GATAD2A: variants seen among roughly 807,000 people sequenced by gnomAD.
GATAD2A encodes transcriptional repressor p66-alpha.
GATAD2A carries 12 observed loss-of-function variants against 68.5 expected under a neutral mutation model. The observed-to-expected ratio is 0.18, with a 90% confidence interval of 0.11 to 0.28. The LOEUF (loss-of-function observed/expected upper bound fraction) is 0.28. GATAD2A is among the 10% of genes least tolerant of loss of function. The pLI is 1.00. For missense variants in GATAD2A, 755 were observed against 868.5 expected (o/e 0.87, Z 1.64); for synonymous variants, 410 against 375.3 (o/e 1.09, Z -1.07).
intron 2 of GATAD2A, among the ~76,000 whole-genome samples, chr19:19,474,579 C>T (rs2148151097): frequency 6.6e-6 from 1 of 152,324 alleles, no homozygotes; most frequent in Non-Finnish European, 1.5e-5. Flanking sequence ...GCACAGGGCA[C>T]TTCTCACTTG....
At chr19:19,479,572 G>A (rs1472146986) in intron 2 of GATAD2A, among the ~76,000 whole-genome samples, 1 of 152,230 alleles carries the variant, frequency 6.6e-6, no homozygotes, top group Admixed American at 6.5e-5. Context: ...CAAGTGTTCT[G>A]TAGAATGTCA....
chr19:19,504,583 T>G (rs1473615623), intron 11 of GATAD2A, among the ~76,000 whole-genome samples: 4 of 151,624 alleles, frequency 2.6e-5, no homozygotes, highest in Non-Finnish European at 5.9e-5. Flanking sequence ...AGGCCTGGAG[T>G]TTGAGACCAG....
intron 8 of GATAD2A, among the ~76,000 whole-genome samples, chr19:19,498,952 G>A (rs144157939): frequency 2.8e-3 from 434 of 152,364 alleles, no homozygotes; most frequent in Non-Finnish European, 4.4e-3. Context: ...AGGGGGACGG[G>A]CAGTAGTGGC....
rs1191523935 is a variant in GATAD2A, at chr19:19,498,520, G to A, written c.1002G>A (p.Val334=). 6.2e-6 allele frequency: 10 copies of A among 1,613,774 alleles called. No homozygotes were observed. The highest frequency in any genetic ancestry group is 1.7e-5 in the Admixed American group (1 of 60,006). The part of the protein sequence containing the change: ...ANSTPTSVAS[V]VTSAESPASR... ...CCACCCCCACTAGTGTGGCCTCTGT[G>A]GTCACCTCTGCCGAGTCTCCAGCAA... Residue 334 remains valine (V), a synonymous_variant, in exon 8 of 12, where the codon GTG becomes GTA. Transcript: ENST00000683918.
rs1355265876 is a variant in GATAD2A, at chr19:19,507,166, C to T, written c.*1692C>T. 7.9e-6 allele frequency: 1 copy of T among 126,568 alleles called. No homozygotes were observed. The highest frequency in any genetic ancestry group is 9.2e-5 in the Admixed American group (1 of 10,862). 7.8% of individuals were successfully genotyped at this position (126,568 alleles called of 1,614,324 possible). The stretch of plus-strand genomic sequence containing the variant: ...GTGAGGACAGATTGGGGAAGGGTGG[C>T]TTTCATTCCAAGATCCAGGGATTTG... On this transcript the variant is annotated 3_prime_UTR_variant, in exon 12 of 12. Transcript: ENST00000683918.
chr19:19,455,632 C>T (rs929602220), intron 1 of GATAD2A, among the ~76,000 whole-genome samples: 1 of 152,030 alleles, frequency 6.6e-6, no homozygotes, highest in African/African-American at 2.4e-5. Flanking sequence ...CTAGAGGTGA[C>T]TCACTAAAGC....
chr19:19,411,283 C>G (rs943734069), intron 1 of GATAD2A, among the ~76,000 whole-genome samples: 2 of 152,222 alleles, frequency 1.3e-5, no homozygotes, highest in Non-Finnish European at 2.9e-5. Context: ...TTGGGGCCTT[C>G]TTGACGATAC....
At chr19:19,494,091 C>G (rs2059986254) in intron 4 of GATAD2A, among the ~76,000 whole-genome samples, 1 of 152,150 alleles carries the variant, frequency 6.6e-6, no homozygotes, top group Admixed American at 6.5e-5. Flanking sequence ...GCTGGAAAAT[C>G]TCTTCTAGGC....
intron 1 of GATAD2A, among the ~76,000 whole-genome samples, chr19:19,444,872 T>TACA (rs1555704205): frequency 8.1e-6 from 1 of 123,192 alleles, no homozygotes; most frequent in Non-Finnish European, 1.6e-5. Flanking sequence ...CCTCGTCCCT[T>TACA]AAAAAAAAAA....
chr19:19,444,870 C>CT lies in GATAD2A; in HGVS notation c.-6-20468dup, dbSNP rs1368967595. ...TGGACAACAGAGTGAGACCTCGTCCCTTAAAAAAAAAAAAAAAAAAGCCAC... is the reference window on the plus strand; with the variant it reads ...TGGACAACAGAGTGAGACCTCGTCCCTTTAAAAAAAAAAAAAAAAAAGCCAC... On this transcript the variant is annotated intron_variant, in intron 1 of 11. Coordinates refer to ENST00000683918, the MANE Select transcript of GATAD2A (RefSeq NM_001384528.1). 8.8e-4 allele frequency among the ~76,000 whole-genome samples: 29 copies of CT among 32,832 alleles called. 1 individual carries two copies. In the East Asian group the frequency reaches 0.032, roughly 36 times the overall value. The allele number at this position is 32,832 out of a possible 152,430, so 21.5% of individuals were successfully genotyped here. A position where few individuals can be genotyped will look rare whatever the true frequency, so the allele number is the denominator to read the frequency against.
intron 1 of GATAD2A, among the ~76,000 whole-genome samples, chr19:19,411,931 A>G (rs1363622266): frequency 6.6e-6 from 1 of 152,114 alleles, no homozygotes; most frequent in Admixed American, 6.5e-5. Context: ...CAAGCTAACA[A>G]TTTGGAGGCC....
chr19:19,472,652 T>G (rs936834505), intron 2 of GATAD2A: 4 of 151,936 alleles, frequency 2.6e-5, no homozygotes, highest in Non-Finnish European at 5.9e-5. Flanking sequence ...TTTTTTTTTT[T>G]GGATGGAAGA....
chr19:19,418,775 T>G (rs1481138332), intron 1 of GATAD2A, among the ~76,000 whole-genome samples: 2 of 152,070 alleles, frequency 1.3e-5, no homozygotes, highest in African/African-American at 4.8e-5. Flanking sequence ...TTGGCAGAGT[T>G]TGGGGGAGAA....
intron 1 of GATAD2A, among the ~76,000 whole-genome samples, chr19:19,439,737 C>T (rs997398215): frequency 2.4e-4 from 37 of 152,096 alleles, no homozygotes; most frequent in African/African-American, 8.9e-4. Flanking sequence ...ATCACAGTTA[C>T]CCGGGGAGGC....
chr19:19,392,974 C>T (rs1028545683), intron 1 of GATAD2A, among the ~76,000 whole-genome samples: 1 of 152,124 alleles, frequency 6.6e-6, no homozygotes, highest in East Asian at 1.9e-4. Flanking sequence ...GGATTACAGG[C>T]GTGAGCCACC....
chr19:19,472,641 GT>G (rs568442303), intron 2 of GATAD2A: 27 of 145,590 alleles, frequency 1.9e-4, no homozygotes, highest in East Asian at 2.0e-4. Context: ...GCCTTGATTT[GT>G]TTTTTTTTTT....
At chr19:19,497,237 A>G (rs1479843776) in intron 7 of GATAD2A, among the ~76,000 whole-genome samples, 1 of 152,236 alleles carries the variant, frequency 6.6e-6, no homozygotes, top group Non-Finnish European at 1.5e-5. Context: ...CTGGGACTAC[A>G]GGCGCCTGCC....
intron 2 of GATAD2A, 60 bp from the exon 3 acceptor site, chr19:19,492,246 G>T: frequency 6.5e-7 from 1 of 1,532,452 alleles, no homozygotes; most frequent in South Asian, 1.2e-5. Flanking sequence ...GTGTCCACAG[G>T]GGTGGGCACT....
At chr19:19,448,586 T>C (rs550418016) in intron 1 of GATAD2A, among the ~76,000 whole-genome samples, 6 of 152,260 alleles carry the variant, frequency 3.9e-5, no homozygotes, top group Admixed American at 2.6e-4. Context: ...CCTGCCGGGT[T>C]CAAGCAATTC....
Sources: gnomAD v4.1 joint callset for allele counts (sites outside exome capture counted in the v4.1 genomes callset) on GRCh38, gnomAD v4.1.1 for gene constraint, MANE v1.5 for transcripts, NCBI Gene and HGNC (gene_info 2026-07-23, HGNC 2026-07-21) for gene names.